LSM14B: variants seen among roughly 807,000 people sequenced by gnomAD.
LSM14B encodes the protein protein LSM14 homolog B.
A neutral mutation model predicts 42.1 loss-of-function variants in LSM14B; 8 were observed. The observed-to-expected ratio is 0.19, with a 90% CI of 0.11 to 0.34. LSM14B has a LOEUF of 0.34. LSM14B is among the 10% of genes least tolerant of loss of function. LSM14B has a pLI of 1.00. For missense variants in LSM14B, 396 were observed against 513.1 expected (o/e 0.77, Z 2.21); for synonymous variants, 219 against 209.7 (o/e 1.04, Z -0.38).
At chr20:62,127,812 T>C (rs2056649160) in intron 3 of LSM14B, 3 of 811,658 alleles carry the variant, frequency 3.7e-6, no homozygotes, top group Non-Finnish European at 6.4e-6. Flanking sequence ...GCCAAGCCCA[T>C]GCAGCCGCTG....
chr20:62,126,087 AAAG>A, intron 2 of LSM14B: 1 of 648,690 alleles, frequency 1.5e-6, no homozygotes, highest in Non-Finnish European at 2.7e-6. Flanking sequence ...CAAAACAAAA[AAAG>A]GAATTACATG....
chr20:62,128,463 A>G lies in LSM14B; in HGVS notation c.428-1322A>G, dbSNP rs182764765. On this transcript the variant is annotated intron_variant, in intron 3 of 8. Transcript: ENST00000279068. ...GTGCTGCTTTCCAAATCCTGCATGCACTCTGTGTATCTGAGTTACAGAGTA... is the reference window on the plus strand; with the variant it reads ...GTGCTGCTTTCCAAATCCTGCATGCGCTCTGTGTATCTGAGTTACAGAGTA... 9.1e-4 allele frequency among the ~76,000 whole-genome samples: 138 copies of G among 152,028 alleles called. 1 individual carries two copies. Among genetic ancestry groups the G allele is most frequent in the African/African-American group, 3.2e-3 (131 of 41,470 alleles).
chr20:62,122,803 G>A lies in LSM14B; in HGVS notation c.127+10G>A. On this transcript the variant is annotated intron_variant, in intron 1 of 8. Transcript: ENST00000279068. The surrounding 1 kb of genome is among the most constrained non-coding windows in gnomAD (Gnocchi z 4.6). ...GTGGCGCTCGCCAAAGGTAGCGGCCGCCGCCCGCCCGAGCCCGCTGACCCC... is the reference window on the plus strand; with the variant it reads ...GTGGCGCTCGCCAAAGGTAGCGGCCACCGCCCGCCCGAGCCCGCTGACCCC... 2.0e-6 allele frequency: 3 copies of A among 1,488,664 alleles called. No homozygotes were observed. The highest frequency in any genetic ancestry group is 9.0e-7 in the Non-Finnish European group (1 of 1,110,828). The allele number at this position is 1,488,664 out of a possible 1,614,324, so 92.2% of individuals were successfully genotyped here. A position where few individuals can be genotyped will look rare whatever the true frequency, so the allele number is the denominator to read the frequency against.
Position 62,134,248 on chromosome 20 carries a change from T to C in LSM14B, c.*100T>C, listed in dbSNP as rs1303875723. 6.4e-6 allele frequency: 3 copies of C among 471,682 alleles called. No homozygotes were observed. Among genetic ancestry groups the C allele is most frequent in the African/African-American group, 4.0e-5 (2 of 50,074 alleles). 29.2% of individuals were successfully genotyped at this position (471,682 alleles called of 1,614,324 possible). A position where few individuals can be genotyped will look rare whatever the true frequency, so the allele number is the denominator to read the frequency against. On this transcript the variant is annotated 3_prime_UTR_variant, in exon 9 of 9. Transcript: ENST00000279068. ...CACTTACAGGGAGAGGTGGTCACTT[T>C]GTTTACGGAGTTTGGAAGAGACCCA...
intron 3 of LSM14B, chr20:62,128,987 G>A: frequency 7.7e-7 from 1 of 1,304,170 alleles, no homozygotes; most frequent in South Asian, 1.2e-5. Context: ...CCTGTTTAGA[G>A]TCCCTACAGG....
intron 8 of LSM14B, 85 bp downstream of exon 8, chr20:62,133,560 C>A: frequency 6.9e-7 from 1 of 1,453,768 alleles, no homozygotes; most frequent in Non-Finnish European, 9.2e-7. Context: ...GGGGAGCAGG[C>A]TCGGTTTCCC....
intron 7 of LSM14B, 60 bp from the exon 8 acceptor site, chr20:62,133,230 G>C: frequency 1.3e-6 from 2 of 1,587,800 alleles, no homozygotes; most frequent in Non-Finnish European, 8.6e-7. Context: ...TGAGGACGAG[G>C]CCTGGCCAGA....
At chr20:62,133,157 G>A in intron 7 of LSM14B, 133 bp from the exon 8 acceptor site, 3 of 1,102,830 alleles carry the variant, frequency 2.7e-6, no homozygotes, top group Non-Finnish European at 3.8e-6. Flanking sequence ...CTCCAGAGCT[G>A]ACGGGGCCGC....
At chr20:62,133,533 G>A in intron 8 of LSM14B, 58 bp downstream of exon 8, 1 of 1,545,530 alleles carries the variant, frequency 6.5e-7, no homozygotes, top group Admixed American at 2.2e-5. Flanking sequence ...AGGCACACCT[G>A]GAGAGCTTAG....
chr20:62,133,007 C>T (rs1307900679), intron 7 of LSM14B, among the ~76,000 whole-genome samples: 2 of 152,188 alleles, frequency 1.3e-5, no homozygotes, highest in Admixed American at 6.5e-5. Flanking sequence ...CGAGCAACAG[C>T]GGCTGCCTTG....
chr20:62,128,608 G>A (rs1025594372), intron 3 of LSM14B, among the ~76,000 whole-genome samples: 1 of 152,206 alleles, frequency 6.6e-6, no homozygotes, highest in Non-Finnish European at 1.5e-5. Flanking sequence ...GTAAAAAGCA[G>A]ACAAGCCCCT....
At position 62,122,908 on chromosome 20, in the gene LSM14B, AC is replaced by A; in HGVS notation, c.127+118del. 1.0e-6 allele frequency: 1 copy of A among 999,322 alleles called. No homozygotes were observed. The highest frequency in any genetic ancestry group is 1.3e-6 in the Non-Finnish European group (1 of 779,310). 61.9% of individuals were successfully genotyped at this position (999,322 alleles called of 1,614,324 possible). A position where few individuals can be genotyped will look rare whatever the true frequency, so the allele number is the denominator to read the frequency against. ...GCCTGGCGCCCAGACCCCGCCCAGA[AC>A]CCACCCAGGGCACACCCGGCCCGAG... is the stretch of plus-strand genomic sequence containing the variant. On this transcript the variant is annotated intron_variant, in intron 1 of 8. Transcript: ENST00000279068. This position sits in a 1 kb window ranked among gnomAD's most constrained non-coding sequence, Gnocchi z 4.6.
intron 7 of LSM14B, 64 bp from the exon 8 acceptor site, chr20:62,133,226 C>T (rs570373418): frequency 2.3e-5 from 37 of 1,578,318 alleles, no homozygotes; most frequent in African/African-American, 1.2e-4. Context: ...GCTCTGAGGA[C>T]GAGGCCTGGC....
Position 62,134,143 on chromosome 20 carries a change from C to T in LSM14B, c.*15-20C>T. On this transcript the variant is annotated intron_variant, in intron 8 of 8. Transcript: ENST00000279068. Reference sequence around the variant, plus strand: ...CTAGCTTATCCCAGCAGATGCTTGACTTCCTGTCATCTCTTGCAGGCTCCT... The same window carrying T: ...CTAGCTTATCCCAGCAGATGCTTGATTTCCTGTCATCTCTTGCAGGCTCCT... 5 of 443,056 alleles carry T rather than the reference C, an allele frequency of 1.1e-5. No individual in the cohort carries two copies. The Admixed American group carries it at 1.3e-4, about 11-fold the overall frequency. 27.4% of individuals were successfully genotyped at this position (443,056 alleles called of 1,614,324 possible).
Position 62,134,279 on chromosome 20 carries a change from C to G in LSM14B, c.*131C>G, listed in dbSNP as rs1179484638. ...CGGAGTTTGGAAGAGACCCATACTG[C>G]TACTTGTGTTTTGGACTTAACTGAA... On this transcript the variant is annotated 3_prime_UTR_variant, in exon 9 of 9. Transcript: ENST00000279068. The G allele has an allele frequency of 4.2e-6, 2 of 471,736 alleles. No homozygotes were observed. Among genetic ancestry groups the G allele is most frequent in the Non-Finnish European group, 4.4e-6 (1 of 227,220 alleles). The allele number at this position is 471,736 out of a possible 1,614,324, so 29.2% of individuals were successfully genotyped here. A position where few individuals can be genotyped will look rare whatever the true frequency, so the allele number is the denominator to read the frequency against.
At chr20:62,124,926 G>A in intron 2 of LSM14B, 146 bp downstream of exon 2, 1 of 924,306 alleles carries the variant, frequency 1.1e-6, no homozygotes, top group South Asian at 1.9e-5. Flanking sequence ...GTGTCACCAG[G>A]CTGGAGGTCA....
In LSM14B at chr20:62,124,669, A is replaced by G. The variant is rs773663305; in HGVS notation, c.180A>G (p.Arg60=). 6 of 1,613,820 alleles carry G rather than the reference A, an allele frequency of 3.7e-6. No homozygotes were observed. Among genetic ancestry groups the G allele is most frequent in the Non-Finnish European group, 5.1e-6 (6 of 1,179,892 alleles). The part of the protein sequence containing the change: ...DRPTDRPAPP[R]EEIYEYIIFR... ...CCACAGATAGGCCTGCGCCCCCCAG[A>G]GAGGAGATTTATGAGTACATCATTT... The change falls in exon 2 of 9, where the codon AGA becomes AGG. Residue 60 remains arginine (R), a synonymous_variant. Transcript: ENST00000279068.
At chr20:62,131,968 G>A (rs1050578726) in intron 7 of LSM14B, among the ~76,000 whole-genome samples, 4 of 152,226 alleles carry the variant, frequency 2.6e-5, no homozygotes, top group African/African-American at 9.6e-5. Flanking sequence ...ACACCTAACA[G>A]CTGGTCAGAA....
chr20:62,122,841 G>C lies in LSM14B; in HGVS notation c.127+48G>C, dbSNP rs1419371980. 1 of 1,420,946 alleles carries C rather than the reference G, an allele frequency of 7.0e-7. No homozygotes were observed. Among genetic ancestry groups the C allele is most frequent in the South Asian group, 1.4e-5 (1 of 73,514 alleles). The allele number at this position is 1,420,946 out of a possible 1,614,324, so 88.0% of individuals were successfully genotyped here. ...GCCCGCTGACCCCCGTCCGCCAACA[G>C]CCCCGGCCTGCGGTGCCCTCCCCGC... On this transcript the variant is annotated intron_variant, in intron 1 of 8. Coordinates refer to ENST00000279068, the MANE Select transcript of LSM14B (RefSeq NM_144703.3). The surrounding 1 kb of genome is among the most constrained non-coding windows in gnomAD (Gnocchi z 4.6).
Sources: gnomAD v4.1 joint callset for allele counts (sites outside exome capture counted in the v4.1 genomes callset) on GRCh38, gnomAD v4.1.1 for gene constraint, Gnocchi (gnomAD v3.1) non-coding constraint, MANE v1.5 for transcripts, NCBI Gene and HGNC (gene_info 2026-07-23, HGNC 2026-07-21) for gene names.